CUL2: variants seen among roughly 807,000 people sequenced by gnomAD.
CUL2 encodes the protein cullin-2.
In CUL2, 22 loss-of-function variants were observed where a neutral mutation model predicts 110.2. The observed-to-expected ratio is 0.20, with a 90% CI of 0.14 to 0.28. CUL2 has a LOEUF of 0.28. Ranked by LOEUF, CUL2 falls within the 10% of genes least tolerant of loss-of-function variation. The pLI, the probability that CUL2 is intolerant of heterozygous loss-of-function variation, is 1.00. For synonymous variants in CUL2, 279 were observed against 293.2 expected, an observed-to-expected ratio of 0.95 and a Z score of 0.49; for missense variants, 631 against 905.5, an observed-to-expected ratio of 0.70 and a Z score of 3.89.
chr10:35,035,142 G>C, intron 10 of CUL2, 30 bp downstream of exon 10: 1 of 1,613,784 alleles, frequency 6.2e-7, no homozygotes, highest in Non-Finnish European at 8.5e-7. Flanking sequence ...TGATTAGGAG[G>C]AAAACATTGC....
At chr10:35,039,527 T>C (rs190789313) in intron 8 of CUL2, among the ~76,000 whole-genome samples, 1 of 152,350 alleles carries the variant, frequency 6.6e-6, no homozygotes, top group East Asian at 1.9e-4. Flanking sequence ...TGGAACTGTA[T>C]GTGCATGATA....
chr10:35,074,643 C>T (rs951218281), intron 1 of CUL2, among the ~76,000 whole-genome samples: 14 of 152,214 alleles, frequency 9.2e-5, no homozygotes, highest in African/African-American at 2.4e-4. Flanking sequence ...CGTGAGCCAT[C>T]GCACCCTAAT....
intron 6 of CUL2, among the ~76,000 whole-genome samples, 169 bp from the exon 7 acceptor site, chr10:35,045,037 C>T (rs2085898701): frequency 6.6e-6 from 1 of 151,958 alleles, no homozygotes; most frequent in Admixed American, 6.6e-5. Flanking sequence ...TATATCACAG[C>T]TGAGTTAATA....
chr10:35,016,652 C>T (rs1482891669), intron 17 of CUL2, among the ~76,000 whole-genome samples: 5 of 152,122 alleles, frequency 3.3e-5, no homozygotes, highest in African/African-American at 4.8e-5. Context: ...TAAGGCCAGG[C>T]GCAGCGGCTC....
At position 35,010,055 on chromosome 10, in the gene CUL2, C is replaced by A; in HGVS notation, c.*256G>T. 1 of 214,820 alleles carries A rather than the reference C, an allele frequency of 4.7e-6. No homozygotes were observed. Among genetic ancestry groups the A allele is most frequent in the Non-Finnish European group, 9.0e-6 (1 of 111,558 alleles). The allele number at this position is 214,820 out of a possible 1,614,324, so 13.3% of individuals were successfully genotyped here. On this transcript the variant is annotated 3_prime_UTR_variant, in exon 21 of 21. Coordinates refer to ENST00000374749, the MANE Select transcript of CUL2 (RefSeq NM_003591.4). ...GGGGAGAAAAAGCATGGTACCCAAC[C>A]GAATTTCCACTTTTCAGCAATACTT...
chr10:35,119,347 A>G (rs1019810490), intron 1 of CUL2, among the ~76,000 whole-genome samples: 2 of 151,928 alleles, frequency 1.3e-5, no homozygotes, highest in Non-Finnish European at 2.9e-5. Flanking sequence ...TAAAGGTCCA[A>G]CTCTCTATTT....
intron 1 of CUL2, among the ~76,000 whole-genome samples, chr10:35,124,778 A>G (rs1340660553): frequency 1.3e-5 from 2 of 152,212 alleles, no homozygotes; most frequent in East Asian, 3.8e-4. Flanking sequence ...AAGAAATGAC[A>G]TCTAACTTAC....
intron 14 of CUL2, among the ~76,000 whole-genome samples, chr10:35,030,674 C>T (rs2134716481): frequency 6.6e-6 from 1 of 152,294 alleles, no homozygotes; most frequent in East Asian, 1.9e-4. Context: ...TGAACCACCA[C>T]ACCTGGCCAA....
At chr10:35,066,333 C>T (rs1178220585) in intron 2 of CUL2, among the ~76,000 whole-genome samples, 3 of 149,958 alleles carry the variant, frequency 2.0e-5, no homozygotes, top group South Asian at 2.1e-4. Flanking sequence ...GACGGAGTTT[C>T]GCTCTTTTGC....
chr10:35,126,950 G>C (rs539833331), upstream of CUL2: 167 of 152,368 alleles, frequency 1.1e-3, 1 homozygote, highest in African/African-American at 3.8e-3. Context: ...GTCCCGGCGT[G>C]GGGGAGGGGA....
intron 2 of CUL2, among the ~76,000 whole-genome samples, chr10:35,098,959 A>G (rs762724884): frequency 7.2e-5 from 11 of 152,116 alleles, no homozygotes; most frequent in Admixed American, 2.6e-4. Flanking sequence ...AATAAGTAAT[A>G]TAGGCCATCT....
At chr10:35,012,840 T>A (rs969253868) in intron 19 of CUL2, among the ~76,000 whole-genome samples, 1 of 152,128 alleles carries the variant, frequency 6.6e-6, no homozygotes, top group Non-Finnish European at 1.5e-5. Context: ...GAAGCATAAG[T>A]GATAGAAACA....
chr10:35,076,006 A>C (rs937526066), intron 1 of CUL2, among the ~76,000 whole-genome samples: 22 of 152,214 alleles, frequency 1.4e-4, no homozygotes, highest in Non-Finnish European at 2.5e-4. Context: ...ATTATTCATA[A>C]AGGCCCTTGA....
At chr10:35,021,826 T>A (rs1462874576) in intron 17 of CUL2, among the ~76,000 whole-genome samples, 1 of 90,958 alleles carries the variant, frequency 1.1e-5, no homozygotes, top group African/African-American at 4.3e-5. Flanking sequence ...TGGGGTGAGG[T>A]GAGGCGAGGT....
chr10:35,067,636 C>T (rs1348713581), intron 2 of CUL2, among the ~76,000 whole-genome samples: 3 of 151,400 alleles, frequency 2.0e-5, no homozygotes, highest in Non-Finnish European at 2.9e-5. Flanking sequence ...CCCAGCTACA[C>T]GGGAGGATGA....
At chr10:35,038,842 T>C in intron 9 of CUL2, 78 bp downstream of exon 9, 4 of 897,404 alleles carry the variant, frequency 4.5e-6, no homozygotes, top group Non-Finnish European at 6.5e-6. Flanking sequence ...AAAATAGGCA[T>C]TAAATCAAGG....
chr10:35,114,730 A>G (rs868218489), intron 1 of CUL2, among the ~76,000 whole-genome samples: 8 of 152,284 alleles, frequency 5.3e-5, no homozygotes, highest in Middle Eastern at 3.4e-3. Flanking sequence ...CTATATGTTC[A>G]CAAAAGTAGA....
rs781590566 is a variant in CUL2 at position 35,054,469 on chromosome 10, C to T, written c.388G>A (p.Val130Ile). The T allele has an allele frequency of 1.6e-5, 25 of 1,594,044 alleles. No individual in the cohort carries two copies. In the South Asian group the frequency reaches 2.3e-4, roughly 15 times the overall value. Residue 130 changes from valine (V) to isoleucine (I), a missense_variant, in exon 5 of 21, where the codon GTA (valine) becomes ATA (isoleucine). By Grantham distance (29) the Val-to-Ile change is conservative (BLOSUM62 3). Coordinates refer to ENST00000374749, the MANE Select transcript of CUL2 (RefSeq NM_003591.4). ...EADLQYGYGG[V>I]DMNEPLMEIG... ...TCCATAAGTGGTTCATTCATATCTA[C>T]ACCACCATAGCCATACTGAAGGTCC...
At chr10:35,032,557 T>A in intron 11 of CUL2, 63 bp from the exon 12 acceptor site, 1 of 1,304,568 alleles carries the variant, frequency 7.7e-7, no homozygotes, top group Non-Finnish European at 1.1e-6. Flanking sequence ...GCTAGTTCAA[T>A]ATAAGCCATA....
Sources: allele counts gnomAD v4.1 joint callset (sites outside exome capture counted in the v4.1 genomes callset), GRCh38; gene constraint gnomAD v4.1.1; transcripts MANE v1.5; gene names NCBI Gene and HGNC (gene_info 2026-07-23, HGNC 2026-07-21).